Variants in CLIC4 observed in about 807,000 individuals in gnomAD.
The protein encoded by CLIC4 is chloride intracellular channel protein 4.
Under a neutral mutation model 24.6 loss-of-function variants are expected in CLIC4, and 13 were observed. The observed-to-expected ratio is 0.53, with a 90% CI of 0.34 to 0.84. The LOEUF (loss-of-function observed/expected upper bound fraction) is 0.84. Ranked by LOEUF, CLIC4 falls within the 40% of genes least tolerant of loss-of-function variation. The pLI is 0.01. For missense variants in CLIC4, 227 were observed against 301.7 expected, an observed-to-expected ratio of 0.75 and a Z score of 1.83; for synonymous variants, 104 against 111.3, an observed-to-expected ratio of 0.93 and a Z score of 0.41.
At chr1:24,797,378 A>T (rs1005698770) in intron 1 of CLIC4, among the ~76,000 whole-genome samples, 1 of 151,812 alleles carries the variant, frequency 6.6e-6, no homozygotes. Flanking sequence ...GTTCAAGACC[A>T]ACCTGGATAA....
intron 1 of CLIC4, among the ~76,000 whole-genome samples, chr1:24,767,522 T>C (rs1448691553): frequency 1.3e-5 from 2 of 152,130 alleles, no homozygotes; most frequent in Middle Eastern, 3.2e-3. Context: ...AAGAGCAGGG[T>C]TAGTACAAAA....
chr1:24,795,399 G>A (rs1639386784), intron 1 of CLIC4, among the ~76,000 whole-genome samples: 1 of 152,098 alleles, frequency 6.6e-6, no homozygotes, highest in South Asian at 2.1e-4. Context: ...GTGCATGCCT[G>A]TAGTTTCAGC....
At chr1:24,823,798 AC>A (rs1162415215) in intron 3 of CLIC4, among the ~76,000 whole-genome samples, 1 of 151,154 alleles carries the variant, frequency 6.6e-6, no homozygotes, top group African/African-American at 2.4e-5. Context: ...AAAAAGACAT[AC>A]AAAAAAGGAA....
At chr1:24,827,207 T>C (rs1639795766) in intron 4 of CLIC4, 91 bp downstream of exon 4, 1 of 758,406 alleles carries the variant, frequency 1.3e-6, no homozygotes, top group Admixed American at 2.6e-5. Flanking sequence ...ATGAGTACTT[T>C]AGAGTCCAGC....
At chr1:24,788,073 C>G (rs893243510) in intron 1 of CLIC4, among the ~76,000 whole-genome samples, 1 of 149,488 alleles carries the variant, frequency 6.7e-6, no homozygotes, top group Admixed American at 6.7e-5. Flanking sequence ...AGGCTGGTCT[C>G]AAACTCCTGA....
At chr1:24,758,263 T>C (rs1638876368) in intron 1 of CLIC4, among the ~76,000 whole-genome samples, 1 of 151,986 alleles carries the variant, frequency 6.6e-6, no homozygotes, top group Non-Finnish European at 1.5e-5. Context: ...AAAAATTACT[T>C]ATAACCCCTT....
chr1:24,766,712 G>GC (rs1639003120), intron 1 of CLIC4, among the ~76,000 whole-genome samples: 1 of 150,378 alleles, frequency 6.6e-6, no homozygotes, highest in Admixed American at 6.6e-5. Context: ...CGCTATGTTG[G>GC]CCAGGCTAGT....
At chr1:24,775,864 C>T (rs533438660) in intron 1 of CLIC4, among the ~76,000 whole-genome samples, 42 of 147,654 alleles carry the variant, frequency 2.8e-4, no homozygotes, top group Admixed American at 5.4e-4. Flanking sequence ...TCAGGTTTTT[C>T]CATTTCTTCT....
At chr1:24,829,967 A>G (rs559245922) in intron 4 of CLIC4, among the ~76,000 whole-genome samples, 9 of 152,308 alleles carry the variant, frequency 5.9e-5, no homozygotes, top group Admixed American at 5.9e-4. Context: ...GTTACCCTTT[A>G]TTAAGACTGC....
chr1:24,796,823 T>A lies in CLIC4; in HGVS notation c.73-919T>A, dbSNP rs183004202. Among the ~76,000 whole-genome samples, 10 of 152,306 alleles carry A rather than the reference T, an allele frequency of 6.6e-5. 1 individual carries two copies. The East Asian group carries it at 1.9e-3, about 29-fold the overall frequency. On this transcript the variant is annotated intron_variant, in intron 1 of 5. Transcript: ENST00000374379. ...GTTCACTTGAACTAGCCCCATTACATACTCCCTAGCCACATATTGCTAGTG... is the reference window on the plus strand; with the variant it reads ...GTTCACTTGAACTAGCCCCATTACAAACTCCCTAGCCACATATTGCTAGTG...
intron 1 of CLIC4, among the ~76,000 whole-genome samples, chr1:24,753,242 C>G (rs925423020): frequency 6.6e-6 from 1 of 152,086 alleles, no homozygotes; most frequent in African/African-American, 2.4e-5. Context: ...GCTAGATGAT[C>G]ACAAAGGTCT....
chr1:24,745,593 G>A lies in CLIC4; in HGVS notation c.40G>A (p.Asp14Asn). The A allele has an allele frequency of 1.9e-6, 3 of 1,586,944 alleles. No individual in the cohort carries two copies. The highest frequency in any genetic ancestry group is 1.7e-6 in the Non-Finnish European group (2 of 1,169,590). ...SMPLNGLKEEDKEPLIELFVK... is the reference protein window; with the variant it reads ...SMPLNGLKEENKEPLIELFVK... ...GCCGCTGAATGGGCTGAAGGAGGAG[G>A]ACAAAGAGCCCCTCATCGAGCTCTT... Residue 14 changes from aspartate (D) to asparagine (N), a missense_variant, in exon 1 of 6, where the codon GAC (aspartate) becomes AAC (asparagine). By Grantham distance (23) the Asp-to-Asn change is conservative. Transcript: ENST00000374379.
At position 24,754,277 on chromosome 1, in the gene CLIC4, A is replaced by G. The variant is rs1342820576; in HGVS notation, c.72+8652A>G. On this transcript the variant is annotated intron_variant, in intron 1 of 5. Transcript: ENST00000374379. ...AGCTTAACAGAGTATGAATAATGAT[A>G]GGAAAGAGGCAATTGGGAGAAGAAC... is the stretch of plus-strand genomic sequence containing the variant. Among the ~76,000 whole-genome samples the G allele has an allele frequency of 2.6e-5, 4 of 152,200 alleles. No homozygotes were observed. The South Asian group carries it at 8.3e-4, about 32-fold the overall frequency.
intron 1 of CLIC4, among the ~76,000 whole-genome samples, chr1:24,757,229 C>T (rs1173658789): frequency 1.3e-5 from 2 of 152,080 alleles, no homozygotes; most frequent in Admixed American, 6.6e-5. Flanking sequence ...CGGGGTTTCA[C>T]CATGTTGGGT....
intron 5 of CLIC4, 95 bp downstream of exon 5, chr1:24,840,136 T>C: frequency 4.1e-6 from 5 of 1,206,964 alleles, no homozygotes; most frequent in Non-Finnish European, 5.9e-6. Context: ...TCTGATTTTA[T>C]ATGACTAGTT....
At chr1:24,828,547 A>G (rs1639810028) in intron 4 of CLIC4, among the ~76,000 whole-genome samples, 1 of 152,080 alleles carries the variant, frequency 6.6e-6, no homozygotes, top group South Asian at 2.1e-4. Context: ...TACTTCTTTG[A>G]ACAATCTTAG....
chr1:24,840,132 T>G, intron 5 of CLIC4, 91 bp downstream of exon 5: 1 of 1,222,168 alleles, frequency 8.2e-7, no homozygotes, highest in South Asian at 1.5e-5. Context: ...CATTTCTGAT[T>G]TTATATGACT....
chr1:24,766,589 C>T lies in CLIC4; in HGVS notation c.72+20964C>T, dbSNP rs181917290. 2.6e-3 allele frequency among the ~76,000 whole-genome samples: 360 copies of T among 139,272 alleles called. 1 individual carries two copies. The highest frequency in any genetic ancestry group is 4.5e-3 in the Non-Finnish European group (292 of 65,610). 91.4% of individuals were successfully genotyped at this position (139,272 alleles called of 152,430 possible). On this transcript the variant is annotated intron_variant, in intron 1 of 5. Transcript: ENST00000374379. ...CACAATCTCAGCTCACTGCAACCTC[C>T]GTCTCCTGGGCTCAAGTGATTCTTG...
intron 3 of CLIC4, among the ~76,000 whole-genome samples, chr1:24,824,487 C>T (rs1307778445): frequency 1.3e-5 from 2 of 152,074 alleles, no homozygotes; most frequent in Admixed American, 6.5e-5. Context: ...AGGCTAGTCT[C>T]GAACTCCTGA....
Sources: gnomAD v4.1 joint callset for allele counts (sites outside exome capture counted in the v4.1 genomes callset) on GRCh38, gnomAD v4.1.1 for gene constraint, MANE v1.5 for transcripts, NCBI Gene and HGNC (gene_info 2026-07-23, HGNC 2026-07-21) for gene names.